Variants in SPOCK2 observed in about 807,000 individuals in gnomAD.
The protein encoded by SPOCK2 is SPARC (osteonectin), cwcv and kazal like domains proteoglycan 2, also known as testican-2.
A neutral mutation model predicts 60.1 loss-of-function variants in SPOCK2; 39 were observed. The ratio of observed to expected loss-of-function variants is 0.65; its 90% CI spans 0.50 to 0.85. The LOEUF (loss-of-function observed/expected upper bound fraction) is 0.85, where lower values mean the gene tolerates loss of function less well. SPOCK2 is among the 40% of genes least tolerant of loss of function. The probability of loss-of-function intolerance (pLI) is 0.00; values close to 1 mark genes in which losing one functional copy is unlikely to be tolerated. For missense variants in SPOCK2, 523 were observed against 567.4 expected, an observed-to-expected ratio of 0.92 and a Z score of 0.80; for synonymous variants, 217 against 231.5, an observed-to-expected ratio of 0.94 and a Z score of 0.57.
chr10:72,088,621 TAA>T (rs34679894), upstream of SPOCK2: 5,359 of 180,652 alleles, frequency 0.03, no homozygotes, highest in East Asian at 0.048. Flanking sequence ...ATACCTGGTT[TAA>T]AAAAAAAAAA....
intron 1 of SPOCK2, among the ~76,000 whole-genome samples, 191 bp from the exon 2 acceptor site, chr10:72,073,101 C>A (rs896074): frequency 6.6e-6 from 1 of 152,030 alleles, no homozygotes; most frequent in Non-Finnish European, 1.5e-5. Flanking sequence ...AGTATTCTTA[C>A]GTCTTCATCA....
Position 72,088,447 on chromosome 10 carries a change from C to G in SPOCK2, c.-119G>C. On this transcript the variant is annotated 5_prime_UTR_variant, in exon 1 of 11. Transcript: ENST00000373109. ...CCTCAGCTCTCCTCCCGCGGTCTGC[C>G]TCCGGTGACTGGCGGAGAGTGGGTC... 2.5e-6 allele frequency: 3 copies of G among 1,219,276 alleles called. No homozygotes were observed. The highest frequency in any genetic ancestry group is 3.3e-6 in the Non-Finnish European group (3 of 906,136). The allele number at this position is 1,219,276 out of a possible 1,614,324, so 75.5% of individuals were successfully genotyped here.
rs1190039423 is a variant in SPOCK2, at chr10:72,066,967, G to A, written c.863C>T (p.Ser288Phe). 1.7e-5 allele frequency: 27 copies of A among 1,614,114 alleles called. No individual in the cohort carries two copies. The highest frequency in any genetic ancestry group is 2.1e-5 in the Non-Finnish European group (25 of 1,180,056). ...CCGGCCATCCTTGTAGGTGTCACAG[G>A]AGTTGAAGAAGGGACGGATGCAGAC... Reference protein sequence around the residue: ...YEVCIRPFFNSCDTYKDGRVS... With the variant: ...YEVCIRPFFNFCDTYKDGRVS... Residue 288 changes from serine to phenylalanine, a missense_variant, in exon 8 of 11, where the codon TCC (serine) becomes TTC (phenylalanine). Physicochemically the swap from Ser to Phe is radical, Grantham distance 155 (BLOSUM62 -2). Transcript: ENST00000373109.
At chr10:72,083,555 G>C (rs919415093) in intron 1 of SPOCK2, among the ~76,000 whole-genome samples, 2 of 152,210 alleles carry the variant, frequency 1.3e-5, no homozygotes, top group Admixed American at 6.5e-5. Flanking sequence ...GGGGACGGGA[G>C]GGTGCTGGCT....
At chr10:72,064,061 G>A (rs1589117050) in intron 9 of SPOCK2, 117 bp downstream of exon 9, 1 of 1,341,952 alleles carries the variant, frequency 7.5e-7, no homozygotes, top group East Asian at 2.6e-5. Context: ...TCCTAGGCCA[G>A]GGCCTCCTCT....
chr10:72,075,030 G>A (rs1245568), intron 1 of SPOCK2, among the ~76,000 whole-genome samples: 89,297 of 151,702 alleles, frequency 0.59, 26,703 homozygotes, highest in African/African-American at 0.7. Flanking sequence ...TGACCTGAGC[G>A]CTCCTGAGCC....
Position 72,060,722 on chromosome 10 carries a change from G to C in SPOCK2, c.*2038C>G, listed in dbSNP as rs1840480293. 6.5e-6 allele frequency: 1 copy of C among 152,860 alleles called. No homozygotes were observed. Among genetic ancestry groups the C allele is most frequent in the Admixed American group, 6.6e-5 (1 of 15,254 alleles). The allele number at this position is 152,860 out of a possible 1,614,324, so 9.5% of individuals were successfully genotyped here. ...GAGGACAGGAGAAAGAGGGGACTGG[G>C]GGACCTGGAACGACGCGACACCTCA... On this transcript the variant is annotated 3_prime_UTR_variant, in exon 11 of 11. Transcript: ENST00000373109.
At chr10:72,086,206 T>C in intron 1 of SPOCK2, 1 of 985,990 alleles carries the variant, frequency 1.0e-6, no homozygotes, top group Non-Finnish European at 1.2e-6. Context: ...GAATCTTACA[T>C]GTGCAAGTCC....
intron 1 of SPOCK2, among the ~76,000 whole-genome samples, chr10:72,075,464 G>A (rs908937080): frequency 1.3e-5 from 2 of 152,138 alleles, no homozygotes; most frequent in Non-Finnish European, 2.9e-5. Flanking sequence ...CCCTGGCACC[G>A]GCTCACTCCC....
chr10:72,078,566 A>T (rs1384166317), intron 1 of SPOCK2, among the ~76,000 whole-genome samples: 1 of 151,888 alleles, frequency 6.6e-6, no homozygotes, highest in African/African-American at 2.4e-5. Flanking sequence ...ATAATAAAAA[A>T]TATAATAAGT....
chr10:72,070,684 A>G (rs1247310115), intron 4 of SPOCK2, among the ~76,000 whole-genome samples: 5 of 152,020 alleles, frequency 3.3e-5, no homozygotes, highest in African/African-American at 1.2e-4. Flanking sequence ...TGGGGCCTTC[A>G]GGTAGCAACT....
chr10:72,082,981 T>C (rs1369970323), intron 1 of SPOCK2, among the ~76,000 whole-genome samples: 1 of 151,490 alleles, frequency 6.6e-6, no homozygotes, highest in African/African-American at 2.4e-5. Flanking sequence ...CGTCCTGATC[T>C]TAGACTTCCT....
intron 1 of SPOCK2, among the ~76,000 whole-genome samples, chr10:72,084,227 G>A (rs1026995828): frequency 6.6e-6 from 1 of 152,206 alleles, no homozygotes; most frequent in Admixed American, 6.5e-5. Flanking sequence ...GTTTTTCCGT[G>A]GGGGAGGAGC....
At chr10:72,069,515 GCTGGAGTGCAGTGGTACAAT>G (rs1840616805) in intron 5 of SPOCK2, among the ~76,000 whole-genome samples, 1 of 150,248 alleles carries the variant, frequency 6.7e-6, no homozygotes, top group African/African-American at 2.5e-5. Flanking sequence ...TGTCACCCAG[GCTGGAGTGCAGTGGTACAAT>G]CATGGCTCAC....
intron 8 of SPOCK2, among the ~76,000 whole-genome samples, chr10:72,065,211 T>C (rs1382249114): frequency 6.7e-6 from 1 of 149,904 alleles, no homozygotes; most frequent in African/African-American, 2.4e-5. Flanking sequence ...AATTTTTGTA[T>C]TTTTAGTAGA....
chr10:72,086,951 T>G, intron 1 of SPOCK2: 1 of 1,551,606 alleles, frequency 6.4e-7, no homozygotes, highest in African/African-American at 1.4e-5. Context: ...GGAGAGGTCA[T>G]GGTGTGGCCT....
Position 72,088,540 on chromosome 10 carries a change from G to GGAGAGA in SPOCK2, c.-218_-213dup. ...AAAGCCCAGCACTGGACGCGGAGAG[G>GGAGAGA]GAGAGAGAATCAGAGAGGCTGCGCC... On this transcript the variant is annotated 5_prime_UTR_variant, in exon 1 of 11. Coordinates refer to ENST00000373109, the MANE Select transcript of SPOCK2 (RefSeq NM_001244950.2). 1 of 548,900 alleles carries GGAGAGA rather than the reference G, an allele frequency of 1.8e-6. No homozygotes were observed. The allele number at this position is 548,900 out of a possible 1,614,324, so 34.0% of individuals were successfully genotyped here.
intron 4 of SPOCK2, 57 bp from the exon 5 acceptor site, chr10:72,070,483 G>T: frequency 6.5e-7 from 1 of 1,541,866 alleles, no homozygotes; most frequent in South Asian, 1.1e-5. Flanking sequence ...GAAGGAGCAG[G>T]GGAAGGGAGG....
chr10:72,062,816 C>T lies in SPOCK2; in HGVS notation c.1219G>A (p.Ala407Thr), dbSNP rs1394936555. 4 of 1,610,210 alleles carry T rather than the reference C, an allele frequency of 2.5e-6. No individual in the cohort carries two copies. Among genetic ancestry groups the T allele is most frequent in the Non-Finnish European group, 3.4e-6 (4 of 1,179,806 alleles). Residue 407 changes from alanine (A) to threonine (T), a missense_variant, in exon 11 of 11, where the codon GCC becomes ACC. Coordinates refer to ENST00000373109, the MANE Select transcript of SPOCK2 (RefSeq NM_001244950.2). The surrounding 1 kb of genome is among the most constrained non-coding windows in gnomAD (Gnocchi z 4.3). ...CCTGCCTCGCCCTCCTCCTCCTCGG[C>T]CTCCTCGCCTGCTTCCTCCGTCTCC... ...EKETEEAGEE[A>T]EEEEGEAGEA...
Sources: gnomAD v4.1 joint callset for allele counts (sites outside exome capture counted in the v4.1 genomes callset) on GRCh38, gnomAD v4.1.1 for gene constraint, Gnocchi (gnomAD v3.1) non-coding constraint, MANE v1.5 for transcripts, NCBI Gene and HGNC (gene_info 2026-07-23, HGNC 2026-07-21) for gene names.